The following MAST4 variants were observed in gnomAD, a reference collection of about 807,000 sequenced individuals.
MAST4 encodes microtubule associated serine/threonine kinase family member 4, also known as microtubule-associated serine/threonine-protein kinase 4.
A neutral mutation model predicts 162.7 loss-of-function variants in MAST4; 89 were observed. That is an observed-to-expected ratio of 0.55 (90% CI 0.46 to 0.65). The LOEUF is 0.65. Among genes scored for constraint, MAST4 ranks in the 30% least tolerant of loss-of-function variants. MAST4 has a pLI of 0.00. For synonymous variants in MAST4, 1,479 were observed against 1,361.1 expected (o/e 1.09, Z -1.91); for missense variants, 3,153 against 3,374.0 (o/e 0.93, Z 1.62).
intron 2 of MAST4, among the ~76,000 whole-genome samples, chr5:66,768,942 G>T (rs1754235906): frequency 6.6e-6 from 1 of 152,100 alleles, no homozygotes; most frequent in Admixed American, 6.6e-5. Context: ...ATTTTTCTCA[G>T]TGCATTGTGA....
At chr5:67,067,961 T>C (rs1206059831) in intron 5 of MAST4, among the ~76,000 whole-genome samples, 2 of 152,106 alleles carry the variant, frequency 1.3e-5, no homozygotes, top group Admixed American at 1.3e-4. Flanking sequence ...TTGAAACCAT[T>C]CTAGGAAACG....
At chr5:66,698,183 C>T (rs139153481) in intron 1 of MAST4, among the ~76,000 whole-genome samples, 246 of 152,086 alleles carry the variant, frequency 1.6e-3, no homozygotes, top group Non-Finnish European at 2.8e-3. Flanking sequence ...GGGCTTAACA[C>T]AGCCCTGATT....
At chr5:67,160,164 G>A (rs1195117704) in intron 26 of MAST4, among the ~76,000 whole-genome samples, 1 of 152,146 alleles carries the variant, frequency 6.6e-6, no homozygotes, top group Non-Finnish European at 1.5e-5. Context: ...ATTGTTAATT[G>A]GTACAGGAAG....
intron 4 of MAST4, among the ~76,000 whole-genome samples, chr5:66,990,062 G>A (rs1208190881): frequency 6.6e-6 from 1 of 151,902 alleles, no homozygotes; most frequent in African/African-American, 2.4e-5. Context: ...GAGTCAGTGT[G>A]GTAAGAAGTT....
intron 4 of MAST4, among the ~76,000 whole-genome samples, chr5:66,938,684 C>CAA (rs1554070998): frequency 1.3e-5 from 2 of 152,150 alleles, no homozygotes; most frequent in African/African-American, 4.8e-5. Flanking sequence ...CTCTATCTGC[C>CAA]TATATGAGGA....
chr5:66,858,365 A>AG (rs1474256838), intron 3 of MAST4, among the ~76,000 whole-genome samples: 1 of 151,970 alleles, frequency 6.6e-6, no homozygotes, highest in African/African-American at 2.4e-5. Context: ...CTGATTTTTG[A>AG]GTATGGTGTG....
chr5:67,122,946 CT>C (rs1277896328), intron 14 of MAST4, among the ~76,000 whole-genome samples: 2 of 152,144 alleles, frequency 1.3e-5, no homozygotes, highest in African/African-American at 2.4e-5. Flanking sequence ...AGCCAAAACT[CT>C]TTTTTTCTTT....
intron 3 of MAST4, among the ~76,000 whole-genome samples, chr5:66,861,972 G>C (rs1255246305): frequency 6.6e-6 from 1 of 152,202 alleles, no homozygotes; most frequent in Non-Finnish European, 1.5e-5. Flanking sequence ...GAAACTGCCA[G>C]ATGAGAGAGA....
intron 1 of MAST4, among the ~76,000 whole-genome samples, chr5:66,617,823 C>G (rs967183772): frequency 6.6e-6 from 1 of 152,168 alleles, no homozygotes; most frequent in African/African-American, 2.4e-5. Context: ...CAAAGTAAAA[C>G]ATCAACGCGT....
chr5:66,636,374 C>T (rs1745123647), intron 1 of MAST4, among the ~76,000 whole-genome samples: 1 of 152,182 alleles, frequency 6.6e-6, no homozygotes, highest in African/African-American at 2.4e-5. Flanking sequence ...CCCTCACTTA[C>T]TGTAGACATG....
chr5:67,149,035 A>G (rs991208681), intron 23 of MAST4, among the ~76,000 whole-genome samples: 1 of 152,130 alleles, frequency 6.6e-6, no homozygotes, highest in Non-Finnish European at 1.5e-5. Flanking sequence ...ACAGCCTTTC[A>G]TGGTATGGGG....
chr5:66,919,665 A>AC (rs1764359195), intron 4 of MAST4, among the ~76,000 whole-genome samples: 1 of 151,298 alleles, frequency 6.6e-6, no homozygotes, highest in Non-Finnish European at 1.5e-5. Flanking sequence ...TCACAGAAAA[A>AC]AAAAAAAAAA....
At chr5:67,022,586 G>T (rs184401199) in intron 4 of MAST4, among the ~76,000 whole-genome samples, 7 of 152,102 alleles carry the variant, frequency 4.6e-5, no homozygotes, top group African/African-American at 1.7e-4. Context: ...TTTTATAGGG[G>T]CAAAGAACTT....
chr5:66,820,985 A>G (rs145837267), intron 3 of MAST4, among the ~76,000 whole-genome samples: 198 of 152,366 alleles, frequency 1.3e-3, no homozygotes, highest in African/African-American at 4.6e-3. Context: ...CACCAATCGC[A>G]TACATTTAAG....
chr5:66,997,419 T>G (rs550103206), intron 4 of MAST4, among the ~76,000 whole-genome samples: 43 of 143,740 alleles, frequency 3.0e-4, no homozygotes, highest in African/African-American at 1.0e-3. Flanking sequence ...ATTAATGTGT[T>G]TTTTTTCTTT....
Position 67,165,958 on chromosome 5 carries a change from C to T in MAST4, c.6779C>T (p.Ala2260Val). Residue 2260 changes from alanine (A) to valine (V), a missense_variant, in exon 29 of 29, where the codon GCC (alanine) becomes GTC (valine). By Grantham distance (64) the Ala-to-Val change is moderately conservative (BLOSUM62 0). Around this residue, in one of 7 missense-constraint regions of MAST4, gnomAD observed 1,644 missense variants for 1,495.0 expected, o/e 1.10. Coordinates refer to ENST00000403625, the MANE Select transcript of MAST4 (RefSeq NM_001164664.2). ...GCTACCCCAGGCTCCCAGAACAAAGCCAGCGATGGGATTGGCCAGGGAGAA... is the reference window on the plus strand; with the variant it reads ...GCTACCCCAGGCTCCCAGAACAAAGTCAGCGATGGGATTGGCCAGGGAGAA... ...FPATPGSQNK[A>V]SDGIGQGEGG... 3 of 1,613,422 alleles carry T rather than the reference C, an allele frequency of 1.9e-6. No individual in the cohort carries two copies. The highest frequency in any genetic ancestry group is 2.5e-6 in the Non-Finnish European group (3 of 1,179,812).
intron 1 of MAST4, among the ~76,000 whole-genome samples, chr5:66,624,144 A>ATGT (rs1744257013): frequency 2.4e-5 from 2 of 81,804 alleles, no homozygotes; most frequent in Non-Finnish European, 4.7e-5. Flanking sequence ...TATTGTTAAA[A>ATGT]TGTTTTTTTT....
chr5:66,717,980 C>G (rs555188609), intron 1 of MAST4, among the ~76,000 whole-genome samples: 1 of 152,240 alleles, frequency 6.6e-6, no homozygotes, highest in Non-Finnish European at 1.5e-5. Flanking sequence ...TCCTCCATCC[C>G]TGAGTTCTCA....
At chr5:66,951,037 C>A (rs183566270) in intron 4 of MAST4, among the ~76,000 whole-genome samples, 1 of 152,204 alleles carries the variant, frequency 6.6e-6, no homozygotes, top group East Asian at 1.9e-4. Flanking sequence ...ATGTACTTAG[C>A]CATTTTACTA....
Sources: allele counts gnomAD v4.1 joint callset (sites outside exome capture counted in the v4.1 genomes callset), GRCh38; gene constraint gnomAD v4.1.1; regional missense constraint gnomAD v4.1.1; transcripts MANE v1.5; gene names NCBI Gene and HGNC (gene_info 2026-07-23, HGNC 2026-07-21).